Variants in RGCC observed in about 807,000 individuals in gnomAD.
RGCC encodes regulator of cell cycle RGCC.
A neutral mutation model predicts 15.4 loss-of-function variants in RGCC; 15 were observed. The observed-to-expected ratio is 0.97, with a 90% CI of 0.65 to 1.50. RGCC has a LOEUF of 1.50. RGCC is among the 40% of genes most tolerant of loss of function. The pLI, the probability that RGCC is intolerant of heterozygous loss-of-function variation, is 0.00. For missense variants in RGCC, 176 were observed against 189.7 expected (o/e 0.93, Z 0.42); for synonymous variants, 81 against 78.0 (o/e 1.04, Z -0.20).
rs1476475141 is a variant in RGCC at position 41,457,700 on chromosome 13, G to A, written c.-8G>A. On this transcript the variant is annotated 5_prime_UTR_variant, in exon 1 of 5. Transcript: ENST00000379359. This position sits in a 1 kb window ranked among gnomAD's most constrained non-coding sequence, Gnocchi z 4.9. ...GGCCACGCGCGCCGGGCCCAGCTGA[G>A]CCGCCTCATGAAGCCGCCCGCGGCG... 19 of 1,486,854 alleles carry A rather than the reference G, an allele frequency of 1.3e-5. No individual in the cohort carries two copies. Among genetic ancestry groups the A allele is most frequent in the Non-Finnish European group, 1.6e-5 (18 of 1,120,074 alleles). The allele number at this position is 1,486,854 out of a possible 1,614,324, so 92.1% of individuals were successfully genotyped here.
Position 41,458,608 on chromosome 13 carries a change from G to A in RGCC, c.235+138G>A. The A allele has an allele frequency of 9.8e-7, 1 of 1,019,780 alleles. No homozygotes were observed. The highest frequency in any genetic ancestry group is 1.7e-5 in the South Asian group (1 of 59,162). The allele number at this position is 1,019,780 out of a possible 1,614,324, so 63.2% of individuals were successfully genotyped here. A position where few individuals can be genotyped will look rare whatever the true frequency, so the allele number is the denominator to read the frequency against. On this transcript the variant is annotated intron_variant, in intron 2 of 4. Coordinates refer to ENST00000379359, the MANE Select transcript of RGCC (RefSeq NM_014059.3). This position sits in a 1 kb window ranked among gnomAD's most constrained non-coding sequence, Gnocchi z 4.4. ...AGCTCAACGCAGTAGGCCGAGTGGT[G>A]GCGGGGCCCCTGACGATAATCACGG...
chr13:41,461,870 G>T (rs377243057), intron 2 of RGCC, among the ~76,000 whole-genome samples: 2 of 152,194 alleles, frequency 1.3e-5, no homozygotes, highest in Non-Finnish European at 2.9e-5. Context: ...AGAGAATAAG[G>T]CCAATGAGGA....
intron 2 of RGCC, among the ~76,000 whole-genome samples, chr13:41,461,882 C>G (rs1007886141): frequency 5.3e-5 from 8 of 152,208 alleles, no homozygotes; most frequent in African/African-American, 9.7e-5. Flanking sequence ...CAATGAGGAG[C>G]CTTCAGGGTT....
chr13:41,458,526 C>G lies in RGCC; in HGVS notation c.235+56C>G, dbSNP rs1347345861. On this transcript the variant is annotated intron_variant, in intron 2 of 4. Coordinates refer to ENST00000379359, the MANE Select transcript of RGCC (RefSeq NM_014059.3). This position sits in a 1 kb window ranked among gnomAD's most constrained non-coding sequence, Gnocchi z 4.4. The stretch of plus-strand genomic sequence containing the variant: ...GGATCTCCCAGCTCCCAGGACCTGC[C>G]CCGCGAAGGCTGCGGCCTCAGTTTT... 6.6e-7 allele frequency: 1 copy of G among 1,505,712 alleles called. No individual in the cohort carries two copies. The highest frequency in any genetic ancestry group is 8.9e-7 in the Non-Finnish European group (1 of 1,122,766). 93.3% of individuals were successfully genotyped at this position (1,505,712 alleles called of 1,614,324 possible). A position where few individuals can be genotyped will look rare whatever the true frequency, so the allele number is the denominator to read the frequency against.
intron 2 of RGCC, among the ~76,000 whole-genome samples, chr13:41,465,740 C>G (rs1316586962): frequency 6.6e-6 from 1 of 152,106 alleles, no homozygotes. Context: ...ATGTCTTTAT[C>G]TTTGACCTTC....
Position 41,458,267 on chromosome 13 carries a change from C to G in RGCC, c.50-18C>G. On this transcript the variant is annotated intron_variant, in intron 1 of 4. Transcript: ENST00000379359. The surrounding 1 kb of genome is among the most constrained non-coding windows in gnomAD (Gnocchi z 4.4). ...CCCCCCTGACTTCCGTGCACTGAGC[C>G]CCTGGCCCTGCCCGCAGCCCCGGCC... 1 of 1,553,408 alleles carries G rather than the reference C, an allele frequency of 6.4e-7. No individual in the cohort carries two copies. The highest frequency in any genetic ancestry group is 2.3e-5 in the East Asian group (1 of 42,666).
In RGCC at chr13:41,462,330, CCT is replaced by C. The variant is rs1188161438; in HGVS notation, c.235+3863_235+3864del. On this transcript the variant is annotated intron_variant, in intron 2 of 4. Coordinates refer to ENST00000379359, the MANE Select transcript of RGCC (RefSeq NM_014059.3). The stretch of plus-strand genomic sequence containing the variant: ...AAAACACACCTACCTTTTAAACAAG[CCT>C]CTATTTTGCAGCAGTGTTTCTCAGA... Among the ~76,000 whole-genome samples the C allele has an allele frequency of 6.6e-5, 10 of 152,238 alleles. No homozygotes were observed. In the South Asian group the frequency reaches 2.1e-3, roughly 32 times the overall value.
intron 2 of RGCC, among the ~76,000 whole-genome samples, chr13:41,461,905 G>A (rs2043823025): frequency 6.6e-6 from 1 of 152,220 alleles, no homozygotes; most frequent in Non-Finnish European, 1.5e-5. Flanking sequence ...CTGGTACTGT[G>A]TTAGCAATTC....
chr13:41,469,289 T>TAAGAAGAAGAAGAAGAAG (rs769260478), intron 4 of RGCC, among the ~76,000 whole-genome samples: 13 of 101,130 alleles, frequency 1.3e-4, no homozygotes, highest in African/African-American at 3.5e-4. Context: ...ATAATAATAA[T>TAAGAAGAAGAAGAAGAAG]AATAATAAGA....
Position 41,458,314 on chromosome 13 carries a change from G to C in RGCC, c.79G>C (p.Asp27His), listed in dbSNP as rs1169526791. The C allele has an allele frequency of 3.8e-6, 6 of 1,583,308 alleles. No individual in the cohort carries two copies. Among genetic ancestry groups the C allele is most frequent in the Non-Finnish European group, 5.1e-6 (6 of 1,171,808 alleles). Residue 27 changes from aspartate (D) to histidine (H), a missense_variant, in exon 2 of 5, where the codon GAC becomes CAC. By Grantham distance (81) the Asp-to-His change is moderately conservative (BLOSUM62 -1). Coordinates refer to ENST00000379359, the MANE Select transcript of RGCC (RefSeq NM_014059.3). The surrounding 1 kb of genome is among the most constrained non-coding windows in gnomAD (Gnocchi z 4.4). ...APALDSAAAE[D>H]LSDALCEFDA... ...GGCCCTGGACTCGGCGGCCGCGGAG[G>C]ACCTGTCGGACGCGCTGTGCGAGTT... is the stretch of plus-strand genomic sequence containing the variant.
intron 4 of RGCC, 101 bp from the exon 5 acceptor site, chr13:41,470,377 T>G: frequency 1.7e-4 from 204 of 1,216,020 alleles, no homozygotes; most frequent in Non-Finnish European, 2.3e-4. Flanking sequence ...AGCCCAGCAT[T>G]GAGTTTGGTG....
chr13:41,469,295 T>TAATAATAATAAGAAGAAGAAG (rs869157194), intron 4 of RGCC, among the ~76,000 whole-genome samples: 48 of 86,742 alleles, frequency 5.5e-4, no homozygotes, highest in Middle Eastern at 6.4e-3. Context: ...ATAATAATAA[T>TAATAATAATAAGAAGAAGAAG]AAGAAGAAGA....
chr13:41,466,191 TCA>T (rs949728575), intron 2 of RGCC, among the ~76,000 whole-genome samples: 20 of 44,712 alleles, frequency 4.5e-4, no homozygotes, highest in Non-Finnish European at 8.2e-4. Context: ...ACACACACAC[TCA>T]CACACACTCA....
chr13:41,464,925 G>C (rs535840060), intron 2 of RGCC, among the ~76,000 whole-genome samples: 110 of 152,174 alleles, frequency 7.2e-4, no homozygotes, highest in African/African-American at 2.6e-3. Context: ...CAGCGAAAAA[G>C]AGCAGGGGGC....
At chr13:41,462,562 C>T (rs1358416414) in intron 2 of RGCC, among the ~76,000 whole-genome samples, 1 of 152,064 alleles carries the variant, frequency 6.6e-6, no homozygotes, top group Non-Finnish European at 1.5e-5. Context: ...CCAGCCTTAC[C>T]ACCTGCCAGG....
At chr13:41,459,685 C>T (rs1248547047) in intron 2 of RGCC, among the ~76,000 whole-genome samples, 1 of 152,246 alleles carries the variant, frequency 6.6e-6, no homozygotes, top group Non-Finnish European at 1.5e-5. Flanking sequence ...TACTTTTCCA[C>T]TTAGAATTTT....
At chr13:41,470,330 C>A in intron 4 of RGCC, 148 bp from the exon 5 acceptor site, 1 of 777,936 alleles carries the variant, frequency 1.3e-6, no homozygotes. Context: ...GTGGGTTGCC[C>A]AGTCATTCCA....
At chr13:41,466,179 TCACACACACA>T (rs199905233) in intron 2 of RGCC, among the ~76,000 whole-genome samples, 3 of 99,840 alleles carry the variant, frequency 3.0e-5, no homozygotes, top group African/African-American at 8.8e-5. Flanking sequence ...ACACACTTTC[TCACACACACA>T]CTCACACACA....
intron 4 of RGCC, among the ~76,000 whole-genome samples, chr13:41,469,289 T>TAAGAAGAAGAAGAAGAAGAAG (rs769260478): frequency 2.0e-5 from 2 of 101,126 alleles, no homozygotes; most frequent in African/African-American, 7.1e-5. Context: ...ATAATAATAA[T>TAAGAAGAAGAAGAAGAAGAAG]AATAATAAGA....
Sources: allele counts gnomAD v4.1 joint callset (sites outside exome capture counted in the v4.1 genomes callset), GRCh38; gene constraint gnomAD v4.1.1; non-coding constraint Gnocchi (gnomAD v3.1); transcripts MANE v1.5; gene names NCBI Gene and HGNC (gene_info 2026-07-23, HGNC 2026-07-21).